OSCP1: variants seen among roughly 807,000 people sequenced by gnomAD.
OSCP1 encodes organic solute carrier partner 1, also known as protein OSCP1.
A neutral mutation model predicts 45.1 loss-of-function variants in OSCP1; 35 were observed. That is an observed-to-expected ratio of 0.78 (90% CI 0.59 to 1.03). The LOEUF (loss-of-function observed/expected upper bound fraction) is 1.03. Ranked by LOEUF, OSCP1 falls within the 50% of genes least tolerant of loss-of-function variation. The probability of loss-of-function intolerance (pLI) is 0.00; values close to 1 mark genes in which losing one functional copy is unlikely to be tolerated. For synonymous variants in OSCP1, 179 were observed against 180.1 expected, an observed-to-expected ratio of 0.99 and a Z score of 0.05; for missense variants, 400 against 470.7, an observed-to-expected ratio of 0.85 and a Z score of 1.39.
chr1:36,448,498 A>C (rs1013672040), intron 1 of OSCP1, among the ~76,000 whole-genome samples: 3 of 152,220 alleles, frequency 2.0e-5, no homozygotes, highest in Admixed American at 6.5e-5. Context: ...AAGATGAATA[A>C]GACAATCAAG....
At chr1:36,427,966 T>C (rs1648087430) in intron 4 of OSCP1, among the ~76,000 whole-genome samples, 1 of 151,812 alleles carries the variant, frequency 6.6e-6, no homozygotes, top group Non-Finnish European at 1.5e-5. Context: ...GGCGGGTGGA[T>C]TGCCTGAGGT....
chr1:36,437,377 A>G (rs1193554762), intron 2 of OSCP1, among the ~76,000 whole-genome samples: 1 of 152,104 alleles, frequency 6.6e-6, no homozygotes, highest in Admixed American at 6.6e-5. Context: ...AAAGAAATAG[A>G]TATGTTCACA....
intron 1 of OSCP1, among the ~76,000 whole-genome samples, chr1:36,441,636 C>T (rs1000243669): frequency 6.7e-6 from 1 of 149,610 alleles, no homozygotes; most frequent in Non-Finnish European, 1.5e-5. Flanking sequence ...CCTGCAGTCC[C>T]AGCTACCGGG....
At chr1:36,435,091 C>CTT (rs201268337) in intron 2 of OSCP1, among the ~76,000 whole-genome samples, 34 of 125,774 alleles carry the variant, frequency 2.7e-4, no homozygotes, top group Non-Finnish European at 3.8e-4. Context: ...TTTTCTTTTT[C>CTT]TTTTTTTTTT....
At chr1:36,432,202 A>G (rs6696986) in intron 3 of OSCP1, among the ~76,000 whole-genome samples, 40,203 of 152,082 alleles carry the variant, frequency 0.26, 5,947 homozygotes, top group Middle Eastern at 0.41. Context: ...TGCTCTGTAT[A>G]TTGCTTTTCC....
chr1:36,431,856 C>G lies in OSCP1; in HGVS notation c.462G>C (p.Glu154Asp). 6.2e-7 allele frequency: 1 copy of G among 1,613,454 alleles called. No homozygotes were observed. ...TEIYGGLSAG[E>D]FQLIRQTLLI... ...GGAGTGTCTGCCGGATCAGCTGGAA[C>G]TCCCCTGCAGAGAGACCACCATATA... The change falls in exon 4 of 10, where the codon GAG becomes GAC. Residue 154 changes from glutamate (E) to aspartate (D), a missense_variant. Transcript: ENST00000235532.
At position 36,432,190 on chromosome 1, in the gene OSCP1, T is replaced by TA. The variant is rs549699036; in HGVS notation, c.435+231dup. Among the ~76,000 whole-genome samples the TA allele has an allele frequency of 2.0e-4, 30 of 152,308 alleles. No individual in the cohort carries two copies. In the South Asian group the frequency reaches 5.6e-3, roughly 28 times the overall value. Reference sequence around the variant, plus strand: ...TTCCGAAAAGTGAGGAGAAAATGGCTATGCTCTGTATATTGCTTTTCCAAT... The same window carrying TA: ...TTCCGAAAAGTGAGGAGAAAATGGCTAATGCTCTGTATATTGCTTTTCCAAT... On this transcript the variant is annotated intron_variant, in intron 3 of 9. Coordinates refer to ENST00000235532, the MANE Select transcript of OSCP1 (RefSeq NM_145047.5).
At chr1:36,441,952 G>A (rs1008820596) in intron 1 of OSCP1, among the ~76,000 whole-genome samples, 1 of 151,952 alleles carries the variant, frequency 6.6e-6, no homozygotes, top group East Asian at 1.9e-4. Flanking sequence ...GGGGGGCCGG[G>A]CGCAGTGGCT....
chr1:36,434,621 G>A (rs927521464), intron 2 of OSCP1, among the ~76,000 whole-genome samples: 1 of 151,940 alleles, frequency 6.6e-6, no homozygotes, highest in South Asian at 2.1e-4. Flanking sequence ...GTGGTGGTGC[G>A]TGCCTGTAAT....
At chr1:36,428,513 G>A in intron 4 of OSCP1, 5 of 1,566,596 alleles carry the variant, frequency 3.2e-6, no homozygotes, top group Non-Finnish European at 4.3e-6. Flanking sequence ...TGTTACATAT[G>A]CTGTTTCAGT....
chr1:36,441,747 G>C (rs1201088484), intron 1 of OSCP1, among the ~76,000 whole-genome samples: 8 of 66,128 alleles, frequency 1.2e-4, no homozygotes, highest in Non-Finnish European at 2.0e-4. Context: ...CGAGACTCCA[G>C]CTCAAAAAAA....
intron 1 of OSCP1, chr1:36,443,938 T>A (rs371289149): frequency 6.5e-7 from 1 of 1,541,078 alleles, no homozygotes; most frequent in East Asian, 2.2e-5. Flanking sequence ...TTTTAAGCCC[T>A]GCTGATAAAG....
intron 2 of OSCP1, among the ~76,000 whole-genome samples, chr1:36,434,055 T>G (rs1487481751): frequency 6.6e-6 from 1 of 152,068 alleles, no homozygotes; most frequent in African/African-American, 2.4e-5. Flanking sequence ...GACTGCACCT[T>G]TTCAGCCTAG....
chr1:36,439,802 T>G (rs907036338), intron 1 of OSCP1, among the ~76,000 whole-genome samples: 1 of 152,236 alleles, frequency 6.6e-6, no homozygotes, highest in Non-Finnish European at 1.5e-5. Flanking sequence ...AATGGAAAAT[T>G]TCCCTCTGGT....
intron 3 of OSCP1, 43 bp from the exon 4 acceptor site, chr1:36,431,925 G>C: frequency 6.3e-7 from 1 of 1,584,380 alleles, no homozygotes; most frequent in Non-Finnish European, 8.6e-7. Flanking sequence ...TTTCCAAGAG[G>C]GATGAGTAGT....
intron 1 of OSCP1, among the ~76,000 whole-genome samples, chr1:36,439,300 C>G (rs1648969202): frequency 6.6e-6 from 1 of 152,066 alleles, no homozygotes; most frequent in African/African-American, 2.4e-5. Context: ...GCTGGAGGAT[C>G]ACTTGATGCC....
At position 36,422,046 on chromosome 1, in the gene OSCP1, A is replaced by G. The variant is rs1314107243; in HGVS notation, c.819+104T>C. 1.0e-5 allele frequency: 11 copies of G among 1,095,446 alleles called. No individual in the cohort carries two copies. The East Asian group carries it at 2.1e-4, about 21-fold the overall frequency. The allele number at this position is 1,095,446 out of a possible 1,614,324, so 67.9% of individuals were successfully genotyped here. A position where few individuals can be genotyped will look rare whatever the true frequency, so the allele number is the denominator to read the frequency against. Reference sequence around the variant, plus strand: ...GGAGAAGATTGCACACAACAGGGGAAATGTTGGCTAGATCCGAAATCTAAA... The same window carrying G: ...GGAGAAGATTGCACACAACAGGGGAGATGTTGGCTAGATCCGAAATCTAAA... On this transcript the variant is annotated intron_variant, in intron 7 of 9. Coordinates refer to ENST00000235532, the MANE Select transcript of OSCP1 (RefSeq NM_145047.5).
chr1:36,421,565 G>A (rs1019360144), intron 7 of OSCP1, among the ~76,000 whole-genome samples: 7 of 152,088 alleles, frequency 4.6e-5, no homozygotes, highest in Admixed American at 3.3e-4. Flanking sequence ...TTCTTTCACC[G>A]TCTTTCCCAG....
Position 36,422,826 on chromosome 1 carries a change from G to A in OSCP1, c.691C>T (p.Pro231Ser). ...TAAAGTTCAAAAGAACCTTCTTTGGGTGCAGGGACATAGTTTCCACCATGC... is the reference window on the plus strand; with the variant it reads ...TAAAGTTCAAAAGAACCTTCTTTGGATGCAGGGACATAGTTTCCACCATGC... Reference protein sequence around the residue: ...FKHGGNYVPAPKEGSFELYGD... With the variant: ...FKHGGNYVPASKEGSFELYGD... Residue 231 changes from proline (P) to serine (S), a missense_variant, in exon 6 of 10, where the codon CCC becomes TCC. Coordinates refer to ENST00000235532, the MANE Select transcript of OSCP1 (RefSeq NM_145047.5). The A allele has an allele frequency of 6.2e-7, 1 of 1,609,544 alleles. No homozygotes were observed. The highest frequency in any genetic ancestry group is 8.5e-7 in the Non-Finnish European group (1 of 1,177,422).
Sources: gnomAD v4.1 joint callset for allele counts (sites outside exome capture counted in the v4.1 genomes callset) on GRCh38, gnomAD v4.1.1 for gene constraint, MANE v1.5 for transcripts, NCBI Gene and HGNC (gene_info 2026-07-23, HGNC 2026-07-21) for gene names.